USP19: variants seen among roughly 807,000 people sequenced by gnomAD.
USP19 encodes the protein ubiquitin carboxyl-terminal hydrolase 19.
Under a neutral mutation model 144.8 loss-of-function variants are expected in USP19, and 40 were observed. The ratio of observed to expected loss-of-function variants is 0.28; its 90% CI spans 0.21 to 0.36. The LOEUF (loss-of-function observed/expected upper bound fraction) is 0.36. USP19 is among the 10% of genes least tolerant of loss of function. USP19 has a pLI of 1.00. For missense variants in USP19, 1,518 were observed against 1,822.5 expected (o/e 0.83, Z 3.04); for synonymous variants, 701 against 709.3 (o/e 0.99, Z 0.19).
chr3:49,115,370 A>G lies in USP19; in HGVS notation c.1889-9T>C. On this transcript the variant is annotated splice_polypyrimidine_tract_variant and intron_variant, in intron 12 of 26. Transcript: ENST00000417901. The surrounding 1 kb of genome is among the most constrained non-coding windows in gnomAD (Gnocchi z 6.6). Reference sequence around the variant, plus strand: ...AGCCTCAAAGGAGCGGTCTAGGAATAGTAGCCGAGCAAAGGTGTGAGGAAC... The same window carrying G: ...AGCCTCAAAGGAGCGGTCTAGGAATGGTAGCCGAGCAAAGGTGTGAGGAAC... 2 of 1,614,108 alleles carry G rather than the reference A, an allele frequency of 1.2e-6. No individual in the cohort carries two copies. The highest frequency in any genetic ancestry group is 1.7e-4 in the Middle Eastern group (1 of 6,054).
chr3:49,108,645 G>C lies in USP19; in HGVS notation c.4039-117C>G. The C allele has an allele frequency of 7.9e-7, 1 of 1,267,438 alleles. No individual in the cohort carries two copies. The highest frequency in any genetic ancestry group is 1.0e-6 in the Non-Finnish European group (1 of 1,003,954). 78.5% of individuals were successfully genotyped at this position (1,267,438 alleles called of 1,614,324 possible). A position where few individuals can be genotyped will look rare whatever the true frequency, so the allele number is the denominator to read the frequency against. ...GAGGGTCCCAAGGCAGGCGCAGACA[G>C]CAGCGGCGTTGAGACAGAGAGACGA... On this transcript the variant is annotated intron_variant, in intron 26 of 26. Transcript: ENST00000417901. The surrounding 1 kb of genome is among the most constrained non-coding windows in gnomAD (Gnocchi z 4.8).
rs191007588 is a variant in USP19 at position 49,117,505 on chromosome 3, G to A, written c.538C>T (p.Arg180Cys). The A allele has an allele frequency of 3.0e-5, 49 of 1,613,996 alleles. No homozygotes were observed. The highest frequency in any genetic ancestry group is 3.8e-5 in the Non-Finnish European group (45 of 1,180,048). ...IKSSCAKVQT[R>C]KGSLLHLTLP... ...GTCAGGTGCAGGAGACTGCCCTTGCGGGTTTGCACTTTAGCACAAGAGCTT... is the reference window on the plus strand; with the variant it reads ...GTCAGGTGCAGGAGACTGCCCTTGCAGGTTTGCACTTTAGCACAAGAGCTT... Residue 180 changes from arginine to cysteine, a missense_variant, in exon 5 of 27, where the codon CGC becomes TGC. Around this residue, in one of 5 missense-constraint regions of USP19, gnomAD observed 707 missense variants for 728.9 expected, o/e 0.97. Coordinates refer to ENST00000417901, the MANE Select transcript of USP19 (RefSeq NM_001199161.2). This position sits in a 1 kb window ranked among gnomAD's most constrained non-coding sequence, Gnocchi z 4.4.
Position 49,114,133 on chromosome 3 carries a change from G to A in USP19, c.2404-40C>T, listed in dbSNP as rs763563806. 1.4e-5 allele frequency: 23 copies of A among 1,613,942 alleles called. No individual in the cohort carries two copies. The highest frequency in any genetic ancestry group is 8.8e-5 in the South Asian group (8 of 91,086). The stretch of plus-strand genomic sequence containing the variant: ...GCAGTCAGTGAGGGAGGTGGGCCAC[G>A]TTCTCTAGAACAGCCCAGAGGGTAG... On this transcript the variant is annotated intron_variant, in intron 16 of 26. Coordinates refer to ENST00000417901, the MANE Select transcript of USP19 (RefSeq NM_001199161.2). The surrounding 1 kb of genome is among the most constrained non-coding windows in gnomAD (Gnocchi z 4.5).
Position 49,114,743 on chromosome 3 carries a change from T to C in USP19, c.2292+20A>G. The C allele has an allele frequency of 6.2e-7, 1 of 1,613,254 alleles. No homozygotes were observed. Among genetic ancestry groups the C allele is most frequent in the South Asian group, 1.1e-5 (1 of 91,048 alleles). ...GCTGAGCTGAACTAGGGGGTCTCTT[T>C]CCAGGGGAGCCCATCACACCTTGGC... On this transcript the variant is annotated intron_variant, in intron 15 of 26. Coordinates refer to ENST00000417901, the MANE Select transcript of USP19 (RefSeq NM_001199161.2). This position sits in a 1 kb window ranked among gnomAD's most constrained non-coding sequence, Gnocchi z 4.5.
intron 17 of USP19, among the ~76,000 whole-genome samples, chr3:49,113,660 C>G (rs1394950803): frequency 6.6e-6 from 1 of 152,118 alleles, no homozygotes; most frequent in Non-Finnish European, 1.5e-5. Flanking sequence ...TGCTGTGGTG[C>G]AATCTCTGCT....
rs756141642 is a variant in USP19, at chr3:49,111,629, G to A, written c.3088C>T (p.Pro1030Ser). Residue 1030 changes from proline to serine, a missense_variant, in exon 21 of 27, where the codon CCC (proline) becomes TCC (serine). Coordinates refer to ENST00000417901, the MANE Select transcript of USP19 (RefSeq NM_001199161.2). The surrounding 1 kb of genome is among the most constrained non-coding windows in gnomAD (Gnocchi z 5.9). ...CGGTCAGGGGCTGCCCACACCCGGGGAAGCCCTGTGTCCCCCTCAGCCATA... is the reference window on the plus strand; with the variant it reads ...CGGTCAGGGGCTGCCCACACCCGGGAAAGCCCTGTGTCCCCCTCAGCCATA... ...TPMAEGDTGL[P>S]RVWAAPDRGP... 1.2e-6 allele frequency: 2 copies of A among 1,609,064 alleles called. No individual in the cohort carries two copies. The highest frequency in any genetic ancestry group is 2.2e-5 in the East Asian group (1 of 44,844).
intron 26 of USP19, chr3:49,109,036 G>A (rs142037382): frequency 6.2e-7 from 1 of 1,613,414 alleles, no homozygotes; most frequent in African/African-American, 1.3e-5. Context: ...CGGTGCCCAG[G>A]ACAAAGTACC....
rs541148823 is a variant in USP19, at chr3:49,111,236, C to T, written c.3328+19G>A. The T allele has an allele frequency of 1.4e-5, 22 of 1,614,134 alleles. No individual in the cohort carries two copies. The African/African-American group carries it at 2.8e-4, about 21-fold the overall frequency. On this transcript the variant is annotated intron_variant, in intron 22 of 26. Transcript: ENST00000417901. The surrounding 1 kb of genome is among the most constrained non-coding windows in gnomAD (Gnocchi z 5.9). ...CCAGCTCAACCCACCCCATGGCTCC[C>T]ACCCACAGCCTCAGACACCTTTGTC...
chr3:49,109,814 G>C lies in USP19; in HGVS notation c.4038+370C>G, dbSNP rs532579457. Reference sequence around the variant, plus strand: ...TGTCTTGAGTGCACACTAGAACTCAGGGACATCACAAGTGAGGGTGTGTGG... The same window carrying C: ...TGTCTTGAGTGCACACTAGAACTCACGGACATCACAAGTGAGGGTGTGTGG... On this transcript the variant is annotated intron_variant, in intron 26 of 26. Coordinates refer to ENST00000417901, the MANE Select transcript of USP19 (RefSeq NM_001199161.2). Among the ~76,000 whole-genome samples the C allele has an allele frequency of 3.3e-5, 5 of 152,340 alleles. No homozygotes were observed. In the South Asian group the frequency reaches 1.0e-3, roughly 32 times the overall value.
chr3:49,114,638 C>T lies in USP19; in HGVS notation c.2292+125G>A. On this transcript the variant is annotated intron_variant, in intron 15 of 26. Transcript: ENST00000417901. This position sits in a 1 kb window ranked among gnomAD's most constrained non-coding sequence, Gnocchi z 4.5. ...CAGCCCAAATAGAATCCTAAGGCCTCCCTGCCAGCTTCTTTGCCCAAACCT... is the reference window on the plus strand; with the variant it reads ...CAGCCCAAATAGAATCCTAAGGCCTTCCTGCCAGCTTCTTTGCCCAAACCT... The T allele has an allele frequency of 9.7e-7, 1 of 1,032,098 alleles. No homozygotes were observed. The highest frequency in any genetic ancestry group is 1.5e-5 in the South Asian group (1 of 64,692). The allele number at this position is 1,032,098 out of a possible 1,614,324, so 63.9% of individuals were successfully genotyped here. A position where few individuals can be genotyped will look rare whatever the true frequency, so the allele number is the denominator to read the frequency against.
In USP19 at chr3:49,108,857, T is replaced by G. The variant is rs1386292320; in HGVS notation, c.4039-329A>C. ...TCCCCACCCTCTCCCACCAGATGCA[T>G]AAGCTGAGGCCCAAAGCCCAGAGGT... On this transcript the variant is annotated intron_variant, in intron 26 of 26. Coordinates refer to ENST00000417901, the MANE Select transcript of USP19 (RefSeq NM_001199161.2). This position sits in a 1 kb window ranked among gnomAD's most constrained non-coding sequence, Gnocchi z 4.8. 9.5e-6 allele frequency: 14 copies of G among 1,468,846 alleles called. No individual in the cohort carries two copies. In the Admixed American group the frequency reaches 3.7e-4, roughly 38 times the overall value. The allele number at this position is 1,468,846 out of a possible 1,614,324, so 91.0% of individuals were successfully genotyped here. A position where few individuals can be genotyped will look rare whatever the true frequency, so the allele number is the denominator to read the frequency against.
chr3:49,118,048 G>A lies in USP19; in HGVS notation c.197C>T (p.Ser66Phe), dbSNP rs1260049454. 3.1e-6 allele frequency: 5 copies of A among 1,595,774 alleles called. No individual in the cohort carries two copies. The highest frequency in any genetic ancestry group is 1.1e-5 in the South Asian group (1 of 88,320). Residue 66 changes from serine to phenylalanine, a missense_variant, in exon 3 of 27, where the codon TCC becomes TTC. Ser to Phe is a radical substitution (Grantham distance 155). This residue lies in a region of USP19 where 707 missense variants were observed against 728.9 expected (regional missense o/e 0.97). Coordinates refer to ENST00000417901, the MANE Select transcript of USP19 (RefSeq NM_001199161.2). ...LASGDPSASA[S>F]HAAGITGSRH... ...TGAGCCTGTGATCCCAGCTGCATGG[G>A]AGGCTGAGGCAGAAGGATCACCTGA...
At chr3:49,120,254 A>G (rs2044980338) in intron 1 of USP19, among the ~76,000 whole-genome samples, 1 of 152,192 alleles carries the variant, frequency 6.6e-6, no homozygotes, top group Non-Finnish European at 1.5e-5. Context: ...AAGTGTGTAA[A>G]GGAGGAAGGA....
intron 2 of USP19, among the ~76,000 whole-genome samples, chr3:49,118,582 C>CA (rs144601806): frequency 0.011 from 1,244 of 111,480 alleles, 8 homozygotes; most frequent in African/African-American, 0.034. Context: ...GACATTGTCT[C>CA]AAAAAAAAAA....
In USP19 at chr3:49,117,193, C is replaced by A; in HGVS notation, c.775G>T (p.Gly259Cys). 1 of 1,547,982 alleles carries A rather than the reference C, an allele frequency of 6.5e-7. No homozygotes were observed. Among genetic ancestry groups the A allele is most frequent in the Non-Finnish European group, 8.7e-7 (1 of 1,146,954 alleles). ...QGRGEVGAGA[G>C]PGAQAGPSAK... ...CTGGGCCCTGCCTGGGCCCCGGGGCCAGCCCCTGCGCCTACCTCACCACGG... is the reference window on the plus strand; with the variant it reads ...CTGGGCCCTGCCTGGGCCCCGGGGCAAGCCCCTGCGCCTACCTCACCACGG... The change falls in exon 6 of 27, where the codon GGC becomes TGC. Residue 259 changes from glycine (G) to cysteine (C), a missense_variant. Gly to Cys is a radical substitution (Grantham distance 159). Coordinates refer to ENST00000417901, the MANE Select transcript of USP19 (RefSeq NM_001199161.2). The surrounding 1 kb of genome is among the most constrained non-coding windows in gnomAD (Gnocchi z 4.4).
In USP19 at chr3:49,114,819, C is replaced by T. The variant is rs991290933; in HGVS notation, c.2236G>A (p.Val746Met). Reference protein sequence around the residue: ...RHKMRNDSFIVDLFQGQYKSK... With the variant: ...RHKMRNDSFIMDLFQGQYKSK... ...TTGTACTGCCCCTGAAATAGGTCCA[C>T]GATGAAAGAGTCATTCCTCATCTTG... Residue 746 changes from valine (V) to methionine (M), a missense_variant, in exon 15 of 27, where the codon GTG (valine) becomes ATG (methionine). Coordinates refer to ENST00000417901, the MANE Select transcript of USP19 (RefSeq NM_001199161.2). The surrounding 1 kb of genome is among the most constrained non-coding windows in gnomAD (Gnocchi z 4.5). The T allele has an allele frequency of 8.7e-6, 14 of 1,614,080 alleles. No individual in the cohort carries two copies. The highest frequency in any genetic ancestry group is 8.5e-6 in the Non-Finnish European group (10 of 1,180,046).
In USP19 at chr3:49,111,495, C is replaced by T. The variant is rs774109941; in HGVS notation, c.3217+5G>A. On this transcript the variant is annotated splice_donor_5th_base_variant and intron_variant, in intron 21 of 26. Transcript: ENST00000417901. The surrounding 1 kb of genome is among the most constrained non-coding windows in gnomAD (Gnocchi z 5.9). ...CAGCTTCTAGAGCCTTTCACTGGAT[C>T]TTACCTTCGGGTCGGGACACCCTCT... 3.7e-6 allele frequency: 6 copies of T among 1,611,626 alleles called. No individual in the cohort carries two copies. The highest frequency in any genetic ancestry group is 2.2e-5 in the East Asian group (1 of 44,892).
Position 49,114,721 on chromosome 3 carries a change from G to T in USP19, c.2292+42C>A. ...TGAACCTAATGTGACCAGAATAGCT[G>T]AGCTGAACTAGGGGGTCTCTTTCCA... is the stretch of plus-strand genomic sequence containing the variant. On this transcript the variant is annotated intron_variant, in intron 15 of 26. Transcript: ENST00000417901. This position sits in a 1 kb window ranked among gnomAD's most constrained non-coding sequence, Gnocchi z 4.5. 6.2e-7 allele frequency: 1 copy of T among 1,601,220 alleles called. No individual in the cohort carries two copies. Among genetic ancestry groups the T allele is most frequent in the Non-Finnish European group, 8.6e-7 (1 of 1,168,956 alleles).
rs2042700920 is a variant in USP19 at position 49,108,819 on chromosome 3, A to G, written c.4039-291T>C. ...ACACCCTAGGATACTCTGCCCCTGC[A>G]GGGGCCACAACCTCCCCACCCTCTC... On this transcript the variant is annotated intron_variant, in intron 26 of 26. Transcript: ENST00000417901. The surrounding 1 kb of genome is among the most constrained non-coding windows in gnomAD (Gnocchi z 4.8). 1.4e-6 allele frequency: 2 copies of G among 1,444,704 alleles called. No homozygotes were observed. Among genetic ancestry groups the G allele is most frequent in the Non-Finnish European group, 1.8e-6 (2 of 1,098,668 alleles). The allele number at this position is 1,444,704 out of a possible 1,614,324, so 89.5% of individuals were successfully genotyped here.
Sources: allele counts gnomAD v4.1 joint callset (sites outside exome capture counted in the v4.1 genomes callset), GRCh38; gene constraint gnomAD v4.1.1; regional missense constraint gnomAD v4.1.1; non-coding constraint Gnocchi (gnomAD v3.1); transcripts MANE v1.5; gene names NCBI Gene and HGNC (gene_info 2026-07-23, HGNC 2026-07-21).